The following SLC9A9 variants were observed in gnomAD, a reference collection of about 807,000 sequenced individuals.
SLC9A9 encodes solute carrier family 9 member A9.
In SLC9A9, 62 loss-of-function variants were observed where a neutral mutation model predicts 77.8. The ratio of observed to expected loss-of-function variants is 0.80; its 90% CI spans 0.65 to 0.98. The LOEUF is 0.98. SLC9A9 is among the 50% of genes least tolerant of loss of function. SLC9A9 has a pLI of 0.00. For synonymous variants in SLC9A9, 320 were observed against 283.5 expected (o/e 1.13, Z -1.29); for missense variants, 775 against 774.9 (o/e 1.00, Z 0.00).
chr3:143,472,888 T>G (rs1393354768), intron 11 of SLC9A9, among the ~76,000 whole-genome samples: 2 of 152,180 alleles, frequency 1.3e-5, no homozygotes, highest in Admixed American at 6.5e-5. Context: ...ATTTTGAGAG[T>G]CAAGAGTTCT....
At chr3:143,503,478 C>CA (rs767487626) in intron 9 of SLC9A9, 2 of 381,628 alleles carry the variant, frequency 5.2e-6, no homozygotes, top group Non-Finnish European at 1.0e-5. Context: ...GGGGACCCTC[C>CA]AAAGCCTGCT....
At chr3:143,384,416 G>A (rs1458669590) in intron 12 of SLC9A9, among the ~76,000 whole-genome samples, 3 of 152,162 alleles carry the variant, frequency 2.0e-5, no homozygotes, top group Non-Finnish European at 1.5e-5. Context: ...GGTTGGCCGT[G>A]AACTGAACTG....
chr3:143,835,422 A>C (rs550749043), intron 1 of SLC9A9, among the ~76,000 whole-genome samples: 286 of 152,302 alleles, frequency 1.9e-3, no homozygotes, highest in African/African-American at 6.7e-3. Context: ...TCATTTGTGC[A>C]CTCTTGCTGC....
chr3:143,695,188 C>CTAT (rs1045040947), intron 4 of SLC9A9, among the ~76,000 whole-genome samples: 1 of 151,840 alleles, frequency 6.6e-6, no homozygotes, highest in Non-Finnish European at 1.5e-5. Flanking sequence ...TCTTTTATTA[C>CTAT]TATTATTATT....
intron 14 of SLC9A9, among the ~76,000 whole-genome samples, chr3:143,291,332 T>G (rs115366821): frequency 2.1e-3 from 321 of 152,274 alleles, no homozygotes; most frequent in African/African-American, 7.1e-3. Context: ...CCAGCCACAT[T>G]TCCCTTAGAT....
chr3:143,646,629 C>A (rs1297219781), intron 6 of SLC9A9, among the ~76,000 whole-genome samples: 1 of 152,128 alleles, frequency 6.6e-6, no homozygotes, highest in Non-Finnish European at 1.5e-5. Flanking sequence ...TGCACAACTT[C>A]TTGCTCAAAT....
At chr3:143,520,832 C>T (rs1477631270) in intron 9 of SLC9A9, among the ~76,000 whole-genome samples, 2 of 152,166 alleles carry the variant, frequency 1.3e-5, no homozygotes, top group African/African-American at 4.8e-5. Context: ...CACAGGACCA[C>T]TGATGTTGAA....
intron 12 of SLC9A9, among the ~76,000 whole-genome samples, chr3:143,461,615 A>C (rs1407920954): frequency 6.6e-6 from 1 of 152,140 alleles, no homozygotes; most frequent in Non-Finnish European, 1.5e-5. Context: ...AAAGACATTA[A>C]ATTTATTGCT....
intron 6 of SLC9A9, among the ~76,000 whole-genome samples, chr3:143,597,641 A>G (rs2037779151): frequency 6.6e-6 from 1 of 151,488 alleles, no homozygotes; most frequent in African/African-American, 2.4e-5. Flanking sequence ...TCATCCACCC[A>G]CTCCCCTCGG....
At chr3:143,743,434 G>A (rs962038753) in intron 4 of SLC9A9, among the ~76,000 whole-genome samples, 1 of 152,276 alleles carries the variant, frequency 6.6e-6, no homozygotes, top group African/African-American at 2.4e-5. Context: ...AATAGGCAAA[G>A]GATAAAGGCC....
At chr3:143,270,424 AC>A (rs1937865683) in intron 14 of SLC9A9, among the ~76,000 whole-genome samples, 1 of 152,120 alleles carries the variant, frequency 6.6e-6, no homozygotes, top group African/African-American at 2.4e-5. Context: ...AGGGTTTGCA[AC>A]CAGCTGGGTT....
intron 9 of SLC9A9, among the ~76,000 whole-genome samples, chr3:143,533,875 T>C (rs1283093300): frequency 6.6e-6 from 1 of 152,246 alleles, no homozygotes; most frequent in African/African-American, 2.4e-5. Flanking sequence ...TTTCTAGGTT[T>C]AGTCCACCTA....
intron 9 of SLC9A9, among the ~76,000 whole-genome samples, chr3:143,521,017 G>C (rs1266715993): frequency 1.3e-5 from 2 of 151,980 alleles, no homozygotes; most frequent in Non-Finnish European, 1.5e-5. Flanking sequence ...TTTTTCTCCT[G>C]TTTGTGACTA....
chr3:143,324,699 G>A (rs2031524816), intron 14 of SLC9A9, among the ~76,000 whole-genome samples: 1 of 152,132 alleles, frequency 6.6e-6, no homozygotes, highest in South Asian at 2.1e-4. Flanking sequence ...GCATGCACCT[G>A]TGGTTCCAGC....
intron 15 of SLC9A9, among the ~76,000 whole-genome samples, chr3:143,267,345 C>CTT (rs749407002): frequency 0.023 from 2,588 of 113,548 alleles, 266 homozygotes; most frequent in African/African-American, 0.088. Flanking sequence ...GTTATTGCTA[C>CTT]TTTTTTTTTT....
intron 14 of SLC9A9, among the ~76,000 whole-genome samples, chr3:143,342,811 T>C (rs942251269): frequency 2.0e-5 from 3 of 152,246 alleles, no homozygotes; most frequent in Admixed American, 6.5e-5. Context: ...ATCTGGTGCA[T>C]GTTCAACCTC....
chr3:143,387,082 C>G (rs1358639700), intron 12 of SLC9A9, among the ~76,000 whole-genome samples: 1 of 152,164 alleles, frequency 6.6e-6, no homozygotes, highest in Non-Finnish European at 1.5e-5. Context: ...CTCAAGTGAT[C>G]CATCCACCTA....
At chr3:143,518,819 A>G (rs149361564) in intron 9 of SLC9A9, among the ~76,000 whole-genome samples, 2 of 152,326 alleles carry the variant, frequency 1.3e-5, no homozygotes, top group East Asian at 3.9e-4. Flanking sequence ...GTGCTTTGCT[A>G]TAACAAACAG....
At chr3:143,290,642 A>G (rs2029915214) in intron 14 of SLC9A9, among the ~76,000 whole-genome samples, 1 of 152,230 alleles carries the variant, frequency 6.6e-6, no homozygotes, top group South Asian at 2.1e-4. Flanking sequence ...TCCAAAGCAC[A>G]TCTGGCTGAA....
Sources: gnomAD v4.1 joint callset for allele counts (sites outside exome capture counted in the v4.1 genomes callset) on GRCh38, gnomAD v4.1.1 for gene constraint, MANE v1.5 for transcripts, NCBI Gene and HGNC (gene_info 2026-07-23, HGNC 2026-07-21) for gene names.